The following DNAI7 variants were observed in gnomAD, a reference collection of about 807,000 sequenced individuals.
DNAI7 encodes cancer susceptibility 1.
In DNAI7, 78 loss-of-function variants were observed where a neutral mutation model predicts 86.6. The observed-to-expected ratio is 0.90, with a 90% CI of 0.75 to 1.09. The LOEUF (loss-of-function observed/expected upper bound fraction) is 1.09, where lower values mean the gene tolerates loss of function less well. DNAI7 is among the 50% of genes least tolerant of loss of function. The pLI is 0.00. For synonymous variants in DNAI7, 274 were observed against 273.0 expected (o/e 1.00, Z -0.04); for missense variants, 753 against 810.2 (o/e 0.93, Z 0.86).
intron 2 of DNAI7, among the ~76,000 whole-genome samples, chr12:25,189,417 G>T (rs535502542): frequency 2.3e-4 from 35 of 152,196 alleles, no homozygotes; most frequent in Non-Finnish European, 4.7e-4. Context: ...GAGGCCGGCA[G>T]ATCACTTGAG....
At chr12:25,182,204 G>A (rs1478036981) in intron 2 of DNAI7, among the ~76,000 whole-genome samples, 2 of 151,584 alleles carry the variant, frequency 1.3e-5, no homozygotes, top group Admixed American at 6.6e-5. Context: ...AACATTAGCC[G>A]GGCATGGTGG....
intron 2 of DNAI7, among the ~76,000 whole-genome samples, chr12:25,186,654 T>C (rs1399994718): frequency 3.9e-5 from 6 of 152,070 alleles, no homozygotes; most frequent in South Asian, 2.1e-4. Context: ...ATGTTTCGAA[T>C]TGTCTAAAGG....
At chr12:25,171,353 G>A (rs4390433) in intron 2 of DNAI7, among the ~76,000 whole-genome samples, 123,634 of 152,166 alleles carry the variant, frequency 0.81, 50,326 homozygotes, top group East Asian at 0.9. Context: ...ACCTTTATGC[G>A]CATAAACTAG....
chr12:25,128,505 C>T (rs1048935142), intron 9 of DNAI7, among the ~76,000 whole-genome samples: 6 of 152,106 alleles, frequency 3.9e-5, no homozygotes, highest in Non-Finnish European at 7.4e-5. Context: ...TGAACATGTA[C>T]GTAGCAGCTG....
intron 8 of DNAI7, among the ~76,000 whole-genome samples, chr12:25,144,973 C>G (rs7971288): frequency 0.5 from 76,506 of 151,962 alleles, 22,485 homozygotes; most frequent in East Asian, 0.89. Flanking sequence ...AGTGCTCCAT[C>G]CTAAGCCCTT....
rs144557090 is a variant in DNAI7, at chr12:25,154,395, G to A, written c.362C>T (p.Thr121Met). The A allele has an allele frequency of 3.8e-5, 62 of 1,610,556 alleles. No individual in the cohort carries two copies. The Middle Eastern group carries it at 5.0e-4, about 13-fold the overall frequency. ...PDPSVAQEMN[T>M]FISLWKEKTN... Reference sequence around the variant, plus strand: ...TTTCTCTTTCCACAAACTAATAAACGTGTTCATTTCTTGGGCTACTGAAGG... The same window carrying A: ...TTTCTCTTTCCACAAACTAATAAACATGTTCATTTCTTGGGCTACTGAAGG... Residue 121 changes from threonine to methionine, a missense_variant, in exon 6 of 16, where the codon ACG becomes ATG. By Grantham distance (81) the Thr-to-Met change is moderately conservative (BLOSUM62 -1). Transcript: ENST00000395987.
intron 2 of DNAI7, among the ~76,000 whole-genome samples, chr12:25,162,581 CT>C (rs1946958257): frequency 6.6e-6 from 1 of 152,144 alleles, no homozygotes; most frequent in South Asian, 2.1e-4. Context: ...ACTCTTGGAT[CT>C]TCTCTTTTTG....
chr12:25,170,587 C>T (rs1044557487), intron 2 of DNAI7, among the ~76,000 whole-genome samples: 5 of 152,004 alleles, frequency 3.3e-5, no homozygotes, highest in Non-Finnish European at 5.9e-5. Context: ...AGAAAGTCAA[C>T]AAAGAAACAA....
chr12:25,121,316 T>C (rs1289149885), intron 11 of DNAI7, among the ~76,000 whole-genome samples: 2 of 152,222 alleles, frequency 1.3e-5, no homozygotes, highest in Non-Finnish European at 2.9e-5. Flanking sequence ...AATAAAGTTT[T>C]ATTGGAACAT....
intron 9 of DNAI7, among the ~76,000 whole-genome samples, chr12:25,131,443 A>T (rs1383598767): frequency 6.6e-6 from 1 of 152,208 alleles, no homozygotes; most frequent in Non-Finnish European, 1.5e-5. Flanking sequence ...ATTGCTTCAC[A>T]CACACACTGA....
intron 2 of DNAI7, among the ~76,000 whole-genome samples, chr12:25,188,230 G>C (rs151220094): frequency 2.0e-3 from 299 of 152,254 alleles, no homozygotes; most frequent in African/African-American, 6.5e-3. Flanking sequence ...ATAAAATATT[G>C]TTAAGTGAAA....
In DNAI7 at chr12:25,108,594, G is replaced by C. The variant is rs1565603104; in HGVS notation, c.2123C>G (p.Ser708Cys). ...VRSSNCQFVN[S>C]VCHMLLSTRL... ...GGTAGAGAGCAGCATGTGGCACACA[G>C]AGTTGACAAACTGACAGTTGGAACT... The change falls in exon 16 of 16, where the codon TCT (serine) becomes TGT (cysteine). Residue 708 changes from serine (S) to cysteine (C), a missense_variant. Ser to Cys is a moderately radical substitution (Grantham distance 112). Coordinates refer to ENST00000395987, the MANE Select transcript of DNAI7 (RefSeq NM_018272.5). The C allele has an allele frequency of 1.9e-6, 3 of 1,613,712 alleles. No individual in the cohort carries two copies. Among genetic ancestry groups the C allele is most frequent in the South Asian group, 1.1e-5 (1 of 91,052 alleles).
Position 25,110,139 on chromosome 12 carries a change from T to C in DNAI7, c.1881A>G (p.Lys627=). ...SKWNLLCNST[K]VVFKVREHLT... Reference sequence around the variant, plus strand: ...CTACATATCATACCTTAAATACGACTTTTGTAGAATTACATAGTAGGTTCC... The same window carrying C: ...CTACATATCATACCTTAAATACGACCTTTGTAGAATTACATAGTAGGTTCC... Residue 627 remains lysine, a synonymous_variant, in exon 15 of 16, where the codon AAA becomes AAG. Transcript: ENST00000395987. 6.3e-7 allele frequency: 1 copy of C among 1,584,626 alleles called. No individual in the cohort carries two copies. Among genetic ancestry groups the C allele is most frequent in the Non-Finnish European group, 8.7e-7 (1 of 1,153,566 alleles).
intron 4 of DNAI7, among the ~76,000 whole-genome samples, chr12:25,157,409 C>T (rs1946316551): frequency 6.6e-6 from 1 of 151,412 alleles, no homozygotes; most frequent in Admixed American, 6.6e-5. Flanking sequence ...TTATATGCTT[C>T]ATACAAAACA....
At chr12:25,190,655 T>G in intron 1 of DNAI7, 24 bp from the exon 2 acceptor site, 1 of 1,358,148 alleles carries the variant, frequency 7.4e-7, no homozygotes. Flanking sequence ...AACAAAAGAA[T>G]TGATCAATTT....
intron 2 of DNAI7, among the ~76,000 whole-genome samples, chr12:25,165,486 G>A (rs1947352036): frequency 6.6e-6 from 1 of 152,210 alleles, no homozygotes; most frequent in African/African-American, 2.4e-5. Flanking sequence ...CCTAAGCTGT[G>A]TCCCATCTGT....
In DNAI7 at chr12:25,169,950, G is replaced by T. The variant is rs530356119; in HGVS notation, c.22-8753C>A. ...TCAGGGGATTCATCTAACACATAAG[G>T]ACTCACATAAAGTAAAGGGGTGGAA... On this transcript the variant is annotated intron_variant, in intron 2 of 15. Coordinates refer to ENST00000395987, the MANE Select transcript of DNAI7 (RefSeq NM_018272.5). 5.5e-4 allele frequency among the ~76,000 whole-genome samples: 83 copies of T among 152,118 alleles called. No homozygotes were observed. The Middle Eastern group carries it at 0.02, about 37-fold the overall frequency.
At chr12:25,111,660 G>T (rs546028199) in intron 14 of DNAI7, 112 bp downstream of exon 14, 76 of 480,328 alleles carry the variant, frequency 1.6e-4, no homozygotes, top group African/African-American at 1.3e-3. Context: ...TTATAATACT[G>T]TATAAATGAA....
chr12:25,169,461 G>T (rs984344832), intron 2 of DNAI7, among the ~76,000 whole-genome samples: 1 of 152,118 alleles, frequency 6.6e-6, no homozygotes, highest in Non-Finnish European at 1.5e-5. Context: ...TGATTAAAAA[G>T]CTTTATTGCT....
Sources: allele counts gnomAD v4.1 joint callset (sites outside exome capture counted in the v4.1 genomes callset), GRCh38; gene constraint gnomAD v4.1.1; transcripts MANE v1.5; gene names NCBI Gene and HGNC (gene_info 2026-07-23, HGNC 2026-07-21).